Variants in MALRD1 observed in about 807,000 individuals in gnomAD.
MALRD1 encodes MAM and LDL-receptor class A domain-containing protein 1.
A neutral mutation model predicts 242.1 loss-of-function variants in MALRD1; 247 were observed. That is an observed-to-expected ratio of 1.02 (90% CI 0.92 to 1.13). The LOEUF (loss-of-function observed/expected upper bound fraction) is 1.13, where lower values mean the gene tolerates loss of function less well. MALRD1 is among the 50% of genes most tolerant of loss of function. The probability of loss-of-function intolerance (pLI) is 0.00; values close to 1 mark genes in which losing one functional copy is unlikely to be tolerated. For missense variants in MALRD1, 2,989 were observed against 2,533.1 expected (o/e 1.18, Z -3.86); for synonymous variants, 995 against 866.6 (o/e 1.15, Z -2.60).
chr10:19,593,005 T>TAA (rs3069581), intron 33 of MALRD1, among the ~76,000 whole-genome samples: 3 of 144,360 alleles, frequency 2.1e-5, no homozygotes, highest in African/African-American at 5.1e-5. Context: ...ATAAAATACT[T>TAA]AAAAAAAAAA....
intron 21 of MALRD1, among the ~76,000 whole-genome samples, chr10:19,311,807 A>T (rs1053920323): frequency 6.6e-5 from 10 of 151,456 alleles, no homozygotes; most frequent in African/African-American, 2.2e-4. Context: ...CAGTATTTAA[A>T]CTGTTAAAGC....
chr10:19,573,298 C>T (rs1836651181), intron 33 of MALRD1, among the ~76,000 whole-genome samples: 1 of 152,160 alleles, frequency 6.6e-6, no homozygotes, highest in Non-Finnish European at 1.5e-5. Flanking sequence ...CTAGGAGGGA[C>T]TCAAGGCTGG....
chr10:19,076,496 C>A (rs947965498), intron 2 of MALRD1, among the ~76,000 whole-genome samples: 3 of 151,934 alleles, frequency 2.0e-5, no homozygotes, highest in Non-Finnish European at 4.4e-5. Context: ...TATGAGGTAT[C>A]CACTTTTGCA....
chr10:19,462,787 A>G (rs1050147460), intron 29 of MALRD1, among the ~76,000 whole-genome samples: 7 of 152,218 alleles, frequency 4.6e-5, no homozygotes, highest in African/African-American at 1.4e-4. Context: ...AGAGCAGTAC[A>G]GTGAGAGTGG....
chr10:19,569,468 A>G (rs532911130), intron 33 of MALRD1, among the ~76,000 whole-genome samples: 3 of 151,666 alleles, frequency 2.0e-5, no homozygotes, highest in South Asian at 4.2e-4. Context: ...CTCACCATTT[A>G]TCTCAGGAAA....
In MALRD1 at chr10:19,613,712, G is replaced by T. The variant is rs151265309; in HGVS notation, c.6071-2145G>T. Among the ~76,000 whole-genome samples the T allele has an allele frequency of 2.1e-4, 32 of 152,120 alleles. No homozygotes were observed. In the East Asian group the frequency reaches 6.0e-3, roughly 29 times the overall value. On this transcript the variant is annotated intron_variant, in intron 35 of 39. Coordinates refer to ENST00000454679, the MANE Select transcript of MALRD1 (RefSeq NM_001142308.3). ...TGACACTTTCCTTTTTAAAATCTTGGCCCTGCTGGGCCGATGTAACCCAGA... is the reference window on the plus strand; with the variant it reads ...TGACACTTTCCTTTTTAAAATCTTGTCCCTGCTGGGCCGATGTAACCCAGA...
intron 32 of MALRD1, among the ~76,000 whole-genome samples, chr10:19,553,582 G>C (rs1029747650): frequency 7.9e-5 from 12 of 152,102 alleles, no homozygotes; most frequent in Non-Finnish European, 1.3e-4. Context: ...TTGTTATTCA[G>C]AAACTGATGA....
intron 33 of MALRD1, among the ~76,000 whole-genome samples, chr10:19,586,253 G>T (rs1446367300): frequency 2.0e-5 from 3 of 152,294 alleles, no homozygotes; most frequent in Non-Finnish European, 4.4e-5. Context: ...ATCCAGCTTT[G>T]TTCTGTTGCT....
At chr10:19,393,442 A>ATTTT (rs71387074) in intron 28 of MALRD1, among the ~76,000 whole-genome samples, 25 of 110,034 alleles carry the variant, frequency 2.3e-4, no homozygotes, top group South Asian at 6.0e-4. Flanking sequence ...GATGAGGTTA[A>ATTTT]TTTTTTTTTT....
At chr10:19,670,288 A>G (rs967826972) in intron 36 of MALRD1, among the ~76,000 whole-genome samples, 2 of 152,146 alleles carry the variant, frequency 1.3e-5, no homozygotes, top group African/African-American at 2.4e-5. Flanking sequence ...TAAGGGATTC[A>G]TTGTCAAAGA....
intron 33 of MALRD1, among the ~76,000 whole-genome samples, chr10:19,585,558 C>G (rs1280725820): frequency 6.6e-6 from 1 of 152,146 alleles, no homozygotes; most frequent in Non-Finnish European, 1.5e-5. Flanking sequence ...TTGGCCCCCA[C>G]TCTCTTCTGG....
chr10:19,533,818 G>T (rs937691581), intron 32 of MALRD1, among the ~76,000 whole-genome samples: 4 of 152,184 alleles, frequency 2.6e-5, no homozygotes, highest in African/African-American at 9.7e-5. Context: ...TTTGGACGGG[G>T]TCAAATATCC....
chr10:19,464,947 AAT>A (rs1491211358), intron 29 of MALRD1, among the ~76,000 whole-genome samples: 2,962 of 80,948 alleles, frequency 0.037, 111 homozygotes, highest in African/African-American at 0.11. Flanking sequence ...GTATAATTCC[AAT>A]TTTTTTTTTT....
At chr10:19,419,370 C>T (rs1344176439) in intron 28 of MALRD1, among the ~76,000 whole-genome samples, 1 of 152,164 alleles carries the variant, frequency 6.6e-6, no homozygotes, top group Non-Finnish European at 1.5e-5. Context: ...TCTCAGCTCA[C>T]TGTAACCTCC....
At chr10:19,369,200 A>T (rs112936840) in intron 26 of MALRD1, among the ~76,000 whole-genome samples, 1 of 146,036 alleles carries the variant, frequency 6.8e-6, no homozygotes, top group East Asian at 2.0e-4. Context: ...ATAAGCTAAT[A>T]TTTAAATTTG....
intron 24 of MALRD1, among the ~76,000 whole-genome samples, chr10:19,332,307 G>C (rs956159461): frequency 3.3e-5 from 5 of 151,322 alleles, no homozygotes; most frequent in African/African-American, 1.2e-4. Flanking sequence ...AGATGTGATA[G>C]GTTGTTAAAA....
intron 17 of MALRD1, among the ~76,000 whole-genome samples, chr10:19,205,516 C>G (rs1266576038): frequency 6.6e-6 from 1 of 151,144 alleles, no homozygotes; most frequent in Non-Finnish European, 1.5e-5. Flanking sequence ...GCGGAGCTTA[C>G]AATCTTACTG....
At chr10:19,497,095 C>T (rs769735948) in intron 30 of MALRD1, among the ~76,000 whole-genome samples, 51 of 151,806 alleles carry the variant, frequency 3.4e-4, no homozygotes, top group Admixed American at 1.7e-3. Context: ...GAAAAGGATG[C>T]GGAATAAATA....
At chr10:19,721,652 A>G (rs374575115) in intron 38 of MALRD1, 2 of 152,266 alleles carry the variant, frequency 1.3e-5, no homozygotes, top group Admixed American at 6.5e-5. Context: ...AAAGAAATAC[A>G]TAGGAAGACC....
Sources: gnomAD v4.1 joint callset for allele counts (sites outside exome capture counted in the v4.1 genomes callset) on GRCh38, gnomAD v4.1.1 for gene constraint, MANE v1.5 for transcripts, NCBI Gene and HGNC (gene_info 2026-07-23, HGNC 2026-07-21) for gene names.